Variants in MAGI2 observed in about 807,000 individuals in gnomAD.
MAGI2 encodes membrane-associated guanylate kinase, WW and PDZ domain-containing protein 2.
MAGI2 carries 35 observed loss-of-function variants against 133.3 expected under a neutral mutation model. The ratio of observed to expected loss-of-function variants is 0.26; its 90% CI spans 0.20 to 0.35. The LOEUF (loss-of-function observed/expected upper bound fraction) is 0.35, where lower values mean the gene tolerates loss of function less well. Ranked by LOEUF, MAGI2 falls within the 10% of genes least tolerant of loss-of-function variation. The pLI is 1.00. For synonymous variants in MAGI2, 729 were observed against 710.6 expected, an observed-to-expected ratio of 1.03 and a Z score of -0.41; for missense variants, 1,636 against 1,863.4, an observed-to-expected ratio of 0.88 and a Z score of 2.25.
At chr7:79,236,569 A>G (rs1214466378) in intron 1 of MAGI2, among the ~76,000 whole-genome samples, 1 of 152,260 alleles carries the variant, frequency 6.6e-6, no homozygotes, top group East Asian at 1.9e-4. Context: ...AAAGAGCCAC[A>G]TAACCTCGGG....
chr7:79,215,970 T>C (rs1327800784), intron 1 of MAGI2, among the ~76,000 whole-genome samples: 4 of 151,824 alleles, frequency 2.6e-5, no homozygotes, highest in Admixed American at 2.6e-4. Context: ...TGGGTAGAAG[T>C]GGGTAGCTCC....
At chr7:79,205,190 G>T (rs557112812) in intron 1 of MAGI2, among the ~76,000 whole-genome samples, 3 of 151,818 alleles carry the variant, frequency 2.0e-5, no homozygotes, top group Non-Finnish European at 2.9e-5. Flanking sequence ...TAACCCAATT[G>T]TCAAATATCA....
At chr7:79,086,551 T>C (rs1430494683) in intron 1 of MAGI2, among the ~76,000 whole-genome samples, 2 of 151,910 alleles carry the variant, frequency 1.3e-5, no homozygotes, top group Non-Finnish European at 2.9e-5. Flanking sequence ...TCTGAAAAAG[T>C]TGATTTTGAC....
chr7:78,672,426 CTT>C (rs1404953589), intron 2 of MAGI2, among the ~76,000 whole-genome samples: 1 of 152,150 alleles, frequency 6.6e-6, no homozygotes, highest in African/African-American at 2.4e-5. Context: ...AAATAAATCT[CTT>C]TATAAATTAG....
chr7:79,134,377 GT>G (rs1315093930), intron 1 of MAGI2, among the ~76,000 whole-genome samples: 1 of 152,134 alleles, frequency 6.6e-6, no homozygotes, highest in African/African-American at 2.4e-5. Flanking sequence ...TTCAGTAGAA[GT>G]TTTTTACTCC....
Position 78,361,431 on chromosome 7 carries a change from TC to T in MAGI2, c.1103+7724del, listed in dbSNP as rs376218810. On this transcript the variant is annotated intron_variant, in intron 7 of 21. Coordinates refer to ENST00000354212, the MANE Select transcript of MAGI2 (RefSeq NM_012301.4). The stretch of plus-strand genomic sequence containing the variant: ...AGCTTGAAGACAAATACAACCCCCC[TC>T]CCCCCCACAAAATGTGTTTATGTTG... Among the ~76,000 whole-genome samples, 468 of 129,504 alleles carry T rather than the reference TC, an allele frequency of 3.6e-3. 2 individuals are homozygous for T. Among genetic ancestry groups the T allele is most frequent in the African/African-American group, 0.012 (427 of 34,902 alleles). 85.0% of individuals were successfully genotyped at this position (129,504 alleles called of 152,430 possible).
intron 21 of MAGI2, among the ~76,000 whole-genome samples, chr7:78,040,294 C>T (rs1317933667): frequency 6.6e-6 from 1 of 152,160 alleles, no homozygotes; most frequent in Non-Finnish European, 1.5e-5. Flanking sequence ...GGAGTGAGAG[C>T]TGAATTCTAG....
At chr7:78,944,924 A>T (rs999754951) in intron 2 of MAGI2, among the ~76,000 whole-genome samples, 1 of 151,866 alleles carries the variant, frequency 6.6e-6, no homozygotes, top group Non-Finnish European at 1.5e-5. Context: ...TTTTTTGTAG[A>T]GATGGGGTTT....
At chr7:78,862,489 A>T (rs1373046032) in intron 2 of MAGI2, among the ~76,000 whole-genome samples, 3 of 152,218 alleles carry the variant, frequency 2.0e-5, no homozygotes, top group South Asian at 4.1e-4. Context: ...GAGTTTGTCC[A>T]GGAAGGGTTT....
chr7:78,650,948 T>C (rs559774654), intron 2 of MAGI2, among the ~76,000 whole-genome samples: 35 of 152,242 alleles, frequency 2.3e-4, no homozygotes, highest in African/African-American at 8.2e-4. Flanking sequence ...TCAAAAACTA[T>C]CAAGAAACAG....
chr7:79,189,078 T>A (rs1827422509), intron 1 of MAGI2, among the ~76,000 whole-genome samples: 1 of 151,902 alleles, frequency 6.6e-6, no homozygotes, highest in Admixed American at 6.6e-5. Flanking sequence ...GGTAACACTG[T>A]ACATATATCT....
At chr7:79,391,819 G>A (rs772161591) in intron 1 of MAGI2, among the ~76,000 whole-genome samples, 41 of 151,900 alleles carry the variant, frequency 2.7e-4, no homozygotes, top group Non-Finnish European at 5.2e-4. Flanking sequence ...CAGCAGCTGG[G>A]ACTACAGGCG....
intron 1 of MAGI2, among the ~76,000 whole-genome samples, chr7:79,293,764 G>A (rs968834476): frequency 3.3e-5 from 5 of 152,144 alleles, no homozygotes; most frequent in African/African-American, 7.2e-5. Context: ...AGCCTACACC[G>A]GGAGACCTCT....
At chr7:79,338,443 TC>T (rs1365111029) in intron 1 of MAGI2, among the ~76,000 whole-genome samples, 2 of 152,170 alleles carry the variant, frequency 1.3e-5, no homozygotes, top group Non-Finnish European at 2.9e-5. Context: ...TTAGCAGCCT[TC>T]CTTCCATAAG....
At chr7:79,257,517 C>T (rs1833775869) in intron 1 of MAGI2, among the ~76,000 whole-genome samples, 2 of 152,256 alleles carry the variant, frequency 1.3e-5, no homozygotes, top group Admixed American at 1.3e-4. Context: ...CTTAATTTAT[C>T]AGCTTGAATG....
chr7:79,007,057 C>A, intron 2 of MAGI2, 33 bp downstream of exon 2: 1 of 1,392,534 alleles, frequency 7.2e-7, no homozygotes, highest in Non-Finnish European at 9.9e-7. Flanking sequence ...TATCTCTCAA[C>A]ATAAAAATAT....
At chr7:78,891,296 G>A (rs1796727179) in intron 2 of MAGI2, among the ~76,000 whole-genome samples, 1 of 152,054 alleles carries the variant, frequency 6.6e-6, no homozygotes, top group Admixed American at 6.6e-5. Flanking sequence ...TTCTACCAAA[G>A]GTACAAGGAG....
At chr7:78,044,189 A>C (rs895805331) in intron 21 of MAGI2, among the ~76,000 whole-genome samples, 4 of 152,240 alleles carry the variant, frequency 2.6e-5, no homozygotes, top group South Asian at 2.1e-4. Context: ...TTTCCTTTTC[A>C]GAACCGAGAG....
chr7:78,458,181 A>G (rs1424946558), intron 6 of MAGI2, among the ~76,000 whole-genome samples: 1 of 151,756 alleles, frequency 6.6e-6, no homozygotes, highest in Non-Finnish European at 1.5e-5. Context: ...CTGTAATCCC[A>G]GCTGCTCGGG....
Sources: gnomAD v4.1 joint callset for allele counts (sites outside exome capture counted in the v4.1 genomes callset) on GRCh38, gnomAD v4.1.1 for gene constraint, MANE v1.5 for transcripts, NCBI Gene and HGNC (gene_info 2026-07-23, HGNC 2026-07-21) for gene names.